CNTN1: variants seen among roughly 807,000 people sequenced by gnomAD.
The protein encoded by CNTN1 is contactin 1, also known as contactin-1.
A neutral mutation model predicts 126.4 loss-of-function variants in CNTN1; 38 were observed. The observed-to-expected ratio is 0.30, with a 90% CI of 0.23 to 0.39. The LOEUF (loss-of-function observed/expected upper bound fraction) is 0.39. CNTN1 is among the 10% of genes least tolerant of loss of function. The pLI is 1.00. For missense variants in CNTN1, 1,009 were observed against 1,248.4 expected, an observed-to-expected ratio of 0.81 and a Z score of 2.89; for synonymous variants, 413 against 422.6, an observed-to-expected ratio of 0.98 and a Z score of 0.28.
intron 15 of CNTN1, among the ~76,000 whole-genome samples, chr12:40,963,709 A>C (rs186188876): frequency 1.6e-4 from 24 of 152,224 alleles, no homozygotes; most frequent in African/African-American, 5.5e-4. Context: ...CATTAAGAGT[A>C]TTGATACAAA....
intron 1 of CNTN1, among the ~76,000 whole-genome samples, chr12:40,804,754 G>T (rs1219553207): frequency 6.6e-6 from 1 of 151,900 alleles, no homozygotes; most frequent in African/African-American, 2.4e-5. Context: ...TAATGTATAG[G>T]CCAAATTTCT....
chr12:41,058,732 T>A (rs971043439), intron 23 of CNTN1, among the ~76,000 whole-genome samples: 4 of 152,104 alleles, frequency 2.6e-5, no homozygotes, highest in African/African-American at 9.7e-5. Flanking sequence ...GGAAATTCTG[T>A]GCAGATACAA....
rs150621926 is a variant in CNTN1 at position 40,911,486 on chromosome 12, A to AT, written c.94+1387dup. ...GTCTTGTGAGACTTATTCACTAAGT[A>AT]TTTTTTAAAAATAGCCTATGGCTGC... On this transcript the variant is annotated intron_variant, in intron 3 of 23. Transcript: ENST00000551295. Among the ~76,000 whole-genome samples the AT allele has an allele frequency of 4.0e-3, 612 of 152,340 alleles. 3 individuals carry two copies. Among genetic ancestry groups the AT allele is most frequent in the African/African-American group, 0.014 (593 of 41,588 alleles).
At chr12:40,968,276 C>T (rs540233496) in intron 15 of CNTN1, among the ~76,000 whole-genome samples, 1 of 152,186 alleles carries the variant, frequency 6.6e-6, no homozygotes, top group East Asian at 1.9e-4. Flanking sequence ...AGCTGCTGGC[C>T]TTTTACTTTC....
chr12:40,813,898 G>A (rs1941173596), intron 1 of CNTN1, among the ~76,000 whole-genome samples: 1 of 152,166 alleles, frequency 6.6e-6, no homozygotes, highest in Admixed American at 6.5e-5. Flanking sequence ...TGACTGGTGT[G>A]AGATGGTATC....
chr12:41,028,938 C>A, intron 22 of CNTN1, 125 bp from the exon 23 acceptor site: 1 of 935,596 alleles, frequency 1.1e-6, no homozygotes, highest in South Asian at 1.5e-5. Flanking sequence ...TTAGTTTTTC[C>A]TCTTGTTTTA....
intron 1 of CNTN1, among the ~76,000 whole-genome samples, chr12:40,817,918 C>T (rs1941311309): frequency 1.3e-5 from 2 of 152,058 alleles, no homozygotes; most frequent in South Asian, 4.2e-4. Flanking sequence ...TTTTCCTTTG[C>T]TTCTGAAGCT....
intron 23 of CNTN1, among the ~76,000 whole-genome samples, chr12:41,054,878 T>C (rs1211602531): frequency 6.6e-6 from 1 of 152,180 alleles, no homozygotes; most frequent in Admixed American, 6.5e-5. Context: ...ACAGCTCTGC[T>C]GCATGGTCAA....
intron 14 of CNTN1, among the ~76,000 whole-genome samples, chr12:40,951,486 C>A (rs1474580889): frequency 2.0e-5 from 3 of 151,510 alleles, no homozygotes; most frequent in Admixed American, 6.6e-5. Flanking sequence ...TAAAATAACC[C>A]TAACAAAAAC....
intron 1 of CNTN1, among the ~76,000 whole-genome samples, chr12:40,907,676 C>T (rs190991563): frequency 3.0e-4 from 45 of 152,312 alleles, no homozygotes; most frequent in African/African-American, 1.1e-3. Context: ...TCCAAATGGA[C>T]AATTTTGGCC....
At chr12:40,937,744 CAAAAT>C (rs1336057947) in intron 11 of CNTN1, 57 bp downstream of exon 11, 5 of 1,009,154 alleles carry the variant, frequency 5.0e-6, no homozygotes, top group Non-Finnish European at 7.9e-6. Context: ...TCATATCACA[CAAAAT>C]GTTTATTGAG....
At chr12:40,919,601 C>T (rs1945362863) in intron 4 of CNTN1, among the ~76,000 whole-genome samples, 1 of 152,046 alleles carries the variant, frequency 6.6e-6, no homozygotes, top group South Asian at 2.1e-4. Context: ...ATATTTTTTC[C>T]TTGATACAAA....
At chr12:40,711,991 A>T in intron 1 of CNTN1, among the ~76,000 whole-genome samples, 1 of 152,146 alleles carries the variant, frequency 6.6e-6, no homozygotes, top group East Asian at 1.9e-4. Context: ...AAGTGTTGGT[A>T]TTACAGGAGT....
chr12:40,741,547 T>C (rs1937945551), intron 1 of CNTN1, among the ~76,000 whole-genome samples: 1 of 152,122 alleles, frequency 6.6e-6, no homozygotes, highest in Admixed American at 6.6e-5. Context: ...TTGGTGTATT[T>C]AAATTTCATT....
chr12:40,782,312 A>G (rs1022567535), intron 1 of CNTN1, among the ~76,000 whole-genome samples: 10 of 151,972 alleles, frequency 6.6e-5, no homozygotes, highest in African/African-American at 2.2e-4. Flanking sequence ...AATAAAAAAA[A>G]GGTCAAACCC....
At chr12:40,745,983 G>A (rs376353330) in intron 1 of CNTN1, among the ~76,000 whole-genome samples, 61 of 152,238 alleles carry the variant, frequency 4.0e-4, no homozygotes, top group African/African-American at 1.4e-3. Context: ...TAGTTCTCAC[G>A]TAGGTAGTCC....
intron 2 of CNTN1, 59 bp from the exon 3 acceptor site, chr12:40,910,014 T>G (rs1944970306): frequency 7.6e-7 from 1 of 1,323,358 alleles, no homozygotes; most frequent in East Asian, 2.3e-5. Flanking sequence ...AAGTAATGTT[T>G]GAAACCACAA....
Position 40,794,995 on chromosome 12 carries a change from A to AT in CNTN1, c.-77+102407dup, listed in dbSNP as rs1439552727. On this transcript the variant is annotated intron_variant, in intron 1 of 23. Coordinates refer to ENST00000551295, the MANE Select transcript of CNTN1 (RefSeq NM_001843.4). The stretch of plus-strand genomic sequence containing the variant: ...CTAATTTAGGTATTGTTATTATGGT[A>AT]TTTTGTGGATGTGGGTAATATCTGC... Among the ~76,000 whole-genome samples the AT allele has an allele frequency of 6.6e-5, 10 of 152,196 alleles. No individual in the cohort carries two copies. The South Asian group carries it at 2.1e-3, about 32-fold the overall frequency.
chr12:41,047,285 T>G (rs1424611853), intron 23 of CNTN1, among the ~76,000 whole-genome samples: 5 of 152,142 alleles, frequency 3.3e-5, no homozygotes, highest in Non-Finnish European at 7.4e-5. Flanking sequence ...ACTTTACTCT[T>G]AAAACCTTCC....
Sources: gnomAD v4.1 joint callset for allele counts (sites outside exome capture counted in the v4.1 genomes callset) on GRCh38, gnomAD v4.1.1 for gene constraint, MANE v1.5 for transcripts, NCBI Gene and HGNC (gene_info 2026-07-23, HGNC 2026-07-21) for gene names.